The following SORCS1 variants were observed in gnomAD, a reference collection of about 807,000 sequenced individuals.
SORCS1 encodes sortilin related VPS10 domain containing receptor 1.
In SORCS1, 60 loss-of-function variants were observed where a neutral mutation model predicts 146.1. The observed-to-expected ratio is 0.41, with a 90% CI of 0.33 to 0.51. The LOEUF is 0.51. Ranked by LOEUF, SORCS1 falls within the 20% of genes least tolerant of loss-of-function variation. The probability of loss-of-function intolerance (pLI) is 0.21; values close to 1 mark genes in which losing one functional copy is unlikely to be tolerated. For missense variants in SORCS1, 1,352 were observed against 1,487.6 expected (o/e 0.91, Z 1.50); for synonymous variants, 637 against 584.0 (o/e 1.09, Z -1.31).
At chr10:106,959,261 A>G (rs1224672320) in intron 1 of SORCS1, among the ~76,000 whole-genome samples, 1 of 152,246 alleles carries the variant, frequency 6.6e-6, no homozygotes, top group Non-Finnish European at 1.5e-5. Flanking sequence ...ACACAGCACC[A>G]GAAGTAGAGT....
In SORCS1 at chr10:106,629,364, G is replaced by C. The variant is rs1269366264; in HGVS notation, c.2500C>G (p.Gln834Glu). The change falls in exon 19 of 26, where the codon CAA becomes GAA. Residue 834 changes from glutamine (Q) to glutamate (E), a missense_variant. By Grantham distance (29) the Gln-to-Glu change is conservative. This residue lies in a region of SORCS1 where 648 missense variants were observed against 793.8 expected (regional missense o/e 0.82). Coordinates refer to ENST00000263054, the MANE Select transcript of SORCS1 (RefSeq NM_052918.5). The stretch of plus-strand genomic sequence containing the variant: ...GCGATACCATCGCCAAAGTCCACTT[G>C]GATGAGTGTCCGCTGAACATCACCC... The part of the protein sequence containing the change: ...EEGDVQRTLI[Q>E]VDFGDGIAVS... 6.2e-7 allele frequency: 1 copy of C among 1,613,996 alleles called. No individual in the cohort carries two copies. The highest frequency in any genetic ancestry group is 8.5e-7 in the Non-Finnish European group (1 of 1,179,988).
intron 1 of SORCS1, among the ~76,000 whole-genome samples, chr10:107,072,868 G>T (rs1962559442): frequency 6.6e-6 from 1 of 151,238 alleles, no homozygotes; most frequent in African/African-American, 2.4e-5. Context: ...ACTATCCACA[G>T]CCAGCTCGGG....
intron 2 of SORCS1, among the ~76,000 whole-genome samples, chr10:106,865,175 T>C (rs1950183182): frequency 6.7e-6 from 1 of 149,812 alleles, no homozygotes; most frequent in South Asian, 2.1e-4. Context: ...GACTGCTTTT[T>C]AAGCGGGTCC....
intron 2 of SORCS1, among the ~76,000 whole-genome samples, chr10:106,949,604 A>T (rs1954568312): frequency 6.6e-6 from 1 of 152,232 alleles, no homozygotes; most frequent in Non-Finnish European, 1.5e-5. Flanking sequence ...TCCTGAGAAA[A>T]TGGGACAGGG....
intron 1 of SORCS1, among the ~76,000 whole-genome samples, chr10:107,079,633 T>C (rs1425672704): frequency 6.6e-6 from 1 of 152,134 alleles, no homozygotes; most frequent in East Asian, 1.9e-4. Context: ...TCAGAAGAAA[T>C]TTGTGCCCCA....
intron 2 of SORCS1, among the ~76,000 whole-genome samples, chr10:106,933,550 G>A (rs1953529202): frequency 6.6e-6 from 1 of 152,144 alleles, no homozygotes; most frequent in Non-Finnish European, 1.5e-5. Context: ...GGTGCTACAA[G>A]GCCAAGAAGT....
chr10:106,745,474 G>C (rs79412533), intron 5 of SORCS1, among the ~76,000 whole-genome samples: 1 of 151,866 alleles, frequency 6.6e-6, no homozygotes, highest in Non-Finnish European at 1.5e-5. Context: ...ATCTAGAATT[G>C]AGCTTATTCA....
intron 19 of SORCS1, among the ~76,000 whole-genome samples, chr10:106,625,292 C>A (rs1848034487): frequency 6.7e-6 from 1 of 150,268 alleles, no homozygotes; most frequent in African/African-American, 2.4e-5. Flanking sequence ...GATGTGGAGA[C>A]CTTTGGCCAC....
At chr10:106,937,342 T>G (rs1953786446) in intron 2 of SORCS1, among the ~76,000 whole-genome samples, 1 of 151,962 alleles carries the variant, frequency 6.6e-6, no homozygotes, top group East Asian at 1.9e-4. Context: ...AGCTATTTTT[T>G]TTTTTTTTGT....
chr10:106,745,607 A>C (rs1004239598), intron 5 of SORCS1, among the ~76,000 whole-genome samples: 1 of 152,158 alleles, frequency 6.6e-6, no homozygotes, highest in Admixed American at 6.5e-5. Flanking sequence ...TGGTTATATT[A>C]ACATATGTTC....
At chr10:106,704,482 G>C (rs1854365431) in intron 8 of SORCS1, among the ~76,000 whole-genome samples, 3 of 152,136 alleles carry the variant, frequency 2.0e-5, no homozygotes, top group Non-Finnish European at 4.4e-5. Flanking sequence ...ACGAGGTCAG[G>C]AGTTCAAGAC....
At chr10:106,924,641 TC>T (rs1476214333) in intron 2 of SORCS1, among the ~76,000 whole-genome samples, 2 of 151,866 alleles carry the variant, frequency 1.3e-5, no homozygotes, top group Admixed American at 1.3e-4. Flanking sequence ...AAAATAATTG[TC>T]CACCATCCTC....
intron 3 of SORCS1, among the ~76,000 whole-genome samples, chr10:106,784,192 G>A (rs186895420): frequency 0.01 from 1,575 of 152,120 alleles, 25 homozygotes; most frequent in African/African-American, 0.035. Flanking sequence ...TCAGGAAATC[G>A]AGACCATCCT....
At chr10:106,947,546 A>G (rs531292672) in intron 2 of SORCS1, among the ~76,000 whole-genome samples, 1 of 152,300 alleles carries the variant, frequency 6.6e-6, no homozygotes, top group African/African-American at 2.4e-5. Flanking sequence ...TCTCTCATCT[A>G]GAAACTGGAG....
At chr10:106,824,159 T>C (rs956344640) in intron 3 of SORCS1, among the ~76,000 whole-genome samples, 2 of 148,690 alleles carry the variant, frequency 1.3e-5, no homozygotes, top group Admixed American at 6.7e-5. Context: ...CAAAAATTAG[T>C]TGGGTGTGGT....
At chr10:106,713,238 C>G (rs73380326) in intron 6 of SORCS1, among the ~76,000 whole-genome samples, 8,712 of 152,224 alleles carry the variant, frequency 0.057, 454 homozygotes, top group African/African-American at 0.15. Flanking sequence ...GAGCCTCAAG[C>G]TGCCCCAACC....
chr10:107,043,739 C>T (rs1372889519), intron 1 of SORCS1, among the ~76,000 whole-genome samples: 5 of 152,128 alleles, frequency 3.3e-5, no homozygotes, highest in Non-Finnish European at 7.4e-5. Flanking sequence ...CTTCTGCCAG[C>T]CCTATGATGC....
At chr10:106,763,090 T>C (rs1453975806) in intron 4 of SORCS1, among the ~76,000 whole-genome samples, 4 of 152,214 alleles carry the variant, frequency 2.6e-5, no homozygotes, top group Admixed American at 2.0e-4. Context: ...GATATATCGA[T>C]ATTTAGTAAC....
At position 106,948,628 on chromosome 10, in the gene SORCS1, A is replaced by G. The variant is rs570578774; in HGVS notation, c.626+7885T>C. Among the ~76,000 whole-genome samples, 74 of 151,758 alleles carry G rather than the reference A, an allele frequency of 4.9e-4. 2 individuals carry two copies. The highest frequency in any genetic ancestry group is 7.9e-4 in the Admixed American group (12 of 15,210). On this transcript the variant is annotated intron_variant, in intron 2 of 25. Coordinates refer to ENST00000263054, the MANE Select transcript of SORCS1 (RefSeq NM_052918.5). The stretch of plus-strand genomic sequence containing the variant: ...TGAGCTATGATTATTCCACTGCCTC[A>G]GTGACAGAGCAAGACCCTGTTTCTT...
Sources: allele counts gnomAD v4.1 joint callset (sites outside exome capture counted in the v4.1 genomes callset), GRCh38; gene constraint gnomAD v4.1.1; regional missense constraint gnomAD v4.1.1; transcripts MANE v1.5; gene names NCBI Gene and HGNC (gene_info 2026-07-23, HGNC 2026-07-21).